Variants in KCNJ5 observed in about 807,000 individuals in gnomAD.
KCNJ5 encodes potassium inwardly rectifying channel subfamily J member 5, also known as G protein-activated inward rectifier potassium channel 4.
Under a neutral mutation model 20.2 loss-of-function variants are expected in KCNJ5, and 12 were observed. That is an observed-to-expected ratio of 0.59 (90% CI 0.38 to 0.96). KCNJ5 has a LOEUF of 0.96. Among genes scored for constraint, KCNJ5 ranks in the 40% least tolerant of loss-of-function variants. The pLI, the probability that KCNJ5 is intolerant of heterozygous loss-of-function variation, is 0.00. For synonymous variants in KCNJ5, 210 were observed against 213.9 expected (o/e 0.98, Z 0.16); for missense variants, 449 against 557.6 (o/e 0.81, Z 1.96).
chr11:128,906,617 T>C (rs1332610951), intron 1 of KCNJ5, among the ~76,000 whole-genome samples: 2 of 152,228 alleles, frequency 1.3e-5, no homozygotes, highest in African/African-American at 4.8e-5. Context: ...ATCTGGGGGC[T>C]GCTCTCAGCT....
At chr11:128,894,082 T>A (rs963830266) in intron 1 of KCNJ5, among the ~76,000 whole-genome samples, 1 of 152,102 alleles carries the variant, frequency 6.6e-6, no homozygotes, top group East Asian at 1.9e-4. Context: ...GGTTTCCATT[T>A]CCCCTTCAAA....
Position 128,920,025 on chromosome 11 carries a change from G to A in KCNJ5, c.*3294G>A, listed in dbSNP as rs184748733. On this transcript the variant is annotated 3_prime_UTR_variant, in exon 3 of 3. Transcript: ENST00000529694. ...AATCCCAAAGTGATATTTCACTTTCGGACCCTGAAAGTTTGGAGAGCTGGT... is the reference window on the plus strand; with the variant it reads ...AATCCCAAAGTGATATTTCACTTTCAGACCCTGAAAGTTTGGAGAGCTGGT... The A allele has an allele frequency of 1.3e-5, 2 of 152,242 alleles. No individual in the cohort carries two copies. The allele number at this position is 152,242 out of a possible 1,614,324, so 9.4% of individuals were successfully genotyped here. A position where few individuals can be genotyped will look rare whatever the true frequency, so the allele number is the denominator to read the frequency against.
chr11:128,918,782 G>C lies in KCNJ5; in HGVS notation c.*2051G>C, dbSNP rs1944627427. 6.6e-6 allele frequency: 1 copy of C among 152,374 alleles called. No individual in the cohort carries two copies. The highest frequency in any genetic ancestry group is 6.5e-5 in the Admixed American group (1 of 15,290). 9.4% of individuals were successfully genotyped at this position (152,374 alleles called of 1,614,324 possible). On this transcript the variant is annotated 3_prime_UTR_variant, in exon 3 of 3. Coordinates refer to ENST00000529694, the MANE Select transcript of KCNJ5 (RefSeq NM_000890.5). ...TCTGTGGGCTCCCCACTCCCAGGGAGGGGCTCCATAAGCTTTGCTCCTGGG... is the reference window on the plus strand; with the variant it reads ...TCTGTGGGCTCCCCACTCCCAGGGACGGGCTCCATAAGCTTTGCTCCTGGG...
Position 128,911,256 on chromosome 11 carries a change from A to G in KCNJ5, c.-10-8A>G, listed in dbSNP as rs1944492183. On this transcript the variant is annotated splice_polypyrimidine_tract_variant and splice_region_variant and intron_variant, in intron 1 of 2. Transcript: ENST00000529694. The surrounding 1 kb of genome is among the most constrained non-coding windows in gnomAD (Gnocchi z 6.3). ...CCACTTCACTGATGGTGTCTTTTTA[A>G]CTCAAAGCATCCCAGCTATGGCTGG... 2 of 1,611,212 alleles carry G rather than the reference A, an allele frequency of 1.2e-6. No individual in the cohort carries two copies. The highest frequency in any genetic ancestry group is 1.7e-6 in the Non-Finnish European group (2 of 1,177,776).
intron 1 of KCNJ5, chr11:128,902,557 C>T (rs11221503): frequency 0.2 from 318,471 of 1,597,516 alleles, 33,561 homozygotes; most frequent in Non-Finnish European, 0.22. Context: ...GGAGACAGGG[C>T]TAGTTAGGAC....
intron 1 of KCNJ5, among the ~76,000 whole-genome samples, chr11:128,894,539 G>T (rs1203357992): frequency 1.3e-5 from 2 of 152,210 alleles, no homozygotes; most frequent in Non-Finnish European, 2.9e-5. Context: ...CGTCAGCCAC[G>T]AAGGAATCTT....
intron 1 of KCNJ5, among the ~76,000 whole-genome samples, chr11:128,896,656 G>T (rs1944182136): frequency 6.6e-6 from 1 of 152,034 alleles, no homozygotes; most frequent in Non-Finnish European, 1.5e-5. Context: ...TGAGTAGCGG[G>T]AATGTACCAC....
In KCNJ5 at chr11:128,920,995, G is replaced by A. The variant is rs779652843; in HGVS notation, c.*4264G>A. Reference sequence around the variant, plus strand: ...GATTAGACAGGGAAGAATTGCTTTCGGGGAGAAGCCACTTACTCGGCTCGC... The same window carrying A: ...GATTAGACAGGGAAGAATTGCTTTCAGGGAGAAGCCACTTACTCGGCTCGC... On this transcript the variant is annotated 3_prime_UTR_variant, in exon 3 of 3. Coordinates refer to ENST00000529694, the MANE Select transcript of KCNJ5 (RefSeq NM_000890.5). The A allele has an allele frequency of 5.3e-5, 8 of 152,242 alleles. No individual in the cohort carries two copies. In the East Asian group the frequency reaches 1.2e-3, roughly 22 times the overall value. The allele number at this position is 152,242 out of a possible 1,614,324, so 9.4% of individuals were successfully genotyped here.
At chr11:128,905,255 G>A (rs1416747430) in intron 1 of KCNJ5, among the ~76,000 whole-genome samples, 1 of 152,232 alleles carries the variant, frequency 6.6e-6, no homozygotes, top group East Asian at 1.9e-4. Flanking sequence ...GGCCCCTCCT[G>A]GCTCTCACCC....
In KCNJ5 at chr11:128,919,806, T is replaced by G. The variant is rs1301298928; in HGVS notation, c.*3075T>G. 1 of 152,342 alleles carries G rather than the reference T, an allele frequency of 6.6e-6. No individual in the cohort carries two copies. The highest frequency in any genetic ancestry group is 2.4e-5 in the African/African-American group (1 of 41,450). The allele number at this position is 152,342 out of a possible 1,614,324, so 9.4% of individuals were successfully genotyped here. ...GCTTCAGCCTCCTGAGTAGCTGGGATTACAGGCATGAGCCACCACGCCCAG... is the reference window on the plus strand; with the variant it reads ...GCTTCAGCCTCCTGAGTAGCTGGGAGTACAGGCATGAGCCACCACGCCCAG... On this transcript the variant is annotated 3_prime_UTR_variant, in exon 3 of 3. Transcript: ENST00000529694.
At position 128,893,706 on chromosome 11, in the gene KCNJ5, G is replaced by A. The variant is rs552274716; in HGVS notation, c.-11+1985G>A. 5.7e-3 allele frequency among the ~76,000 whole-genome samples: 870 copies of A among 152,248 alleles called. 6 individuals are homozygous for A. Among genetic ancestry groups the A allele is most frequent in the Middle Eastern group, 0.014 (4 of 294 alleles). ...AAGGAGGAGCCAAGGGTGAGGGGGG[G>A]GGTCAAAGCGAACCTGGGCCACATT... On this transcript the variant is annotated intron_variant, in intron 1 of 2. Coordinates refer to ENST00000529694, the MANE Select transcript of KCNJ5 (RefSeq NM_000890.5).
Position 128,916,722 on chromosome 11 carries a change from C to T in KCNJ5, c.1251C>T (p.Gly417=). The part of the protein sequence containing the change: ...KGLGGSREAR[G]SV ...TGGGTGGGTCCAGGGAGGCCAGGGGCTCGGTGTGAGGGGTGCAGCCTCCCT... is the reference window on the plus strand; with the variant it reads ...TGGGTGGGTCCAGGGAGGCCAGGGGTTCGGTGTGAGGGGTGCAGCCTCCCT... The change falls in exon 3 of 3, where the codon GGC becomes GGT. Residue 417 remains glycine, a synonymous_variant. Coordinates refer to ENST00000529694, the MANE Select transcript of KCNJ5 (RefSeq NM_000890.5). The T allele has an allele frequency of 5.0e-6, 8 of 1,602,450 alleles. No individual in the cohort carries two copies. Among genetic ancestry groups the T allele is most frequent in the Non-Finnish European group, 6.8e-6 (8 of 1,175,092 alleles).
At chr11:128,903,346 C>G in intron 1 of KCNJ5, 1 of 1,613,498 alleles carries the variant, frequency 6.2e-7, no homozygotes, top group Non-Finnish European at 8.5e-7. Flanking sequence ...TGGAAGAACG[C>G]GATCCGGCAG....
chr11:128,908,573 G>A (rs1944456312), intron 1 of KCNJ5, among the ~76,000 whole-genome samples: 1 of 152,204 alleles, frequency 6.6e-6, no homozygotes, highest in Non-Finnish European at 1.5e-5. Flanking sequence ...AAGTCTCCTA[G>A]AAAACATTTT....
At chr11:128,896,712 A>T (rs1357866599) in intron 1 of KCNJ5, among the ~76,000 whole-genome samples, 2 of 152,002 alleles carry the variant, frequency 1.3e-5, no homozygotes, top group Non-Finnish European at 2.9e-5. Context: ...TTGTTTAACC[A>T]TTCACTTACT....
chr11:128,911,334 G>A lies in KCNJ5; in HGVS notation c.61G>A (p.Asp21Asn). 6.2e-7 allele frequency: 1 copy of A among 1,614,162 alleles called. No individual in the cohort carries two copies. Among genetic ancestry groups the A allele is most frequent in the African/African-American group, 1.3e-5 (1 of 75,038 alleles). Reference protein sequence around the residue: ...QDMEIGVTPWDPKKIPKQARD... With the variant: ...QDMEIGVTPWNPKKIPKQARD... ...CATGGAGATTGGAGTCACTCCCTGG[G>A]ACCCCAAGAAGATTCCAAAACAGGC... Residue 21 changes from aspartate to asparagine, a missense_variant, in exon 2 of 3, where the codon GAC (aspartate) becomes AAC (asparagine). This residue lies in a region of KCNJ5 where 203 missense variants were observed against 258.0 expected (regional missense o/e 0.79). Coordinates refer to ENST00000529694, the MANE Select transcript of KCNJ5 (RefSeq NM_000890.5). This position sits in a 1 kb window ranked among gnomAD's most constrained non-coding sequence, Gnocchi z 6.3.
intron 1 of KCNJ5, among the ~76,000 whole-genome samples, chr11:128,906,691 A>G (rs1315385797): frequency 6.6e-6 from 1 of 152,216 alleles, no homozygotes; most frequent in Non-Finnish European, 1.5e-5. Flanking sequence ...GCAAAGGAGA[A>G]GCCCCCTCTG....
At chr11:128,893,515 C>T (rs1305662121) in intron 1 of KCNJ5, among the ~76,000 whole-genome samples, 2 of 152,154 alleles carry the variant, frequency 1.3e-5, no homozygotes, top group Admixed American at 6.5e-5. Context: ...GTCCCCAGAA[C>T]AACGTTCTAG....
intron 1 of KCNJ5, chr11:128,903,593 G>A: frequency 6.7e-7 from 1 of 1,499,606 alleles, no homozygotes; most frequent in Non-Finnish European, 9.2e-7. Context: ...TCTACTGCGG[G>A]GGCCGTTGTC....
Sources: gnomAD v4.1 joint callset for allele counts (sites outside exome capture counted in the v4.1 genomes callset) on GRCh38, gnomAD v4.1.1 for gene constraint, gnomAD v4.1.1 regional missense constraint, Gnocchi (gnomAD v3.1) non-coding constraint, MANE v1.5 for transcripts, NCBI Gene and HGNC (gene_info 2026-07-23, HGNC 2026-07-21) for gene names.